Variants in ACTA2 observed in about 807,000 individuals in gnomAD.
ACTA2 encodes actin alpha 2, smooth muscle, also known as actin, aortic smooth muscle.
ACTA2 carries 12 observed loss-of-function variants against 39.5 expected under a neutral mutation model. That is an observed-to-expected ratio of 0.30 (90% CI 0.19 to 0.49). The LOEUF (loss-of-function observed/expected upper bound fraction) is 0.49, where lower values mean the gene tolerates loss of function less well. Among genes scored for constraint, ACTA2 ranks in the 20% least tolerant of loss-of-function variants. The pLI is 0.99. For synonymous variants in ACTA2, 158 were observed against 180.6 expected (o/e 0.88, Z 1.00); for missense variants, 236 against 498.8 (o/e 0.47, Z 5.02).
chr10:88,983,632 A>C (rs796251787), intron 1 of ACTA2, among the ~76,000 whole-genome samples: 48 of 142,808 alleles, frequency 3.4e-4, no homozygotes, highest in South Asian at 1.1e-3. Flanking sequence ...AAAAAAAAAA[A>C]AAAAAAACAC....
intron 1 of ACTA2, among the ~76,000 whole-genome samples, chr10:88,966,765 G>GACGT (rs1317206175): frequency 6.6e-6 from 1 of 152,044 alleles, no homozygotes; most frequent in Non-Finnish European, 1.5e-5. Context: ...GCAGGTCAAA[G>GACGT]ACGTAACCTG....
chr10:88,950,588 A>G (rs191915583), intron 1 of ACTA2, among the ~76,000 whole-genome samples: 2 of 152,368 alleles, frequency 1.3e-5, no homozygotes, highest in Admixed American at 1.3e-4. Flanking sequence ...TGACAAGGAA[A>G]CCAAGGCTTA....
upstream of ACTA2, among the ~76,000 whole-genome samples, chr10:88,957,106 C>T (rs1455990193): frequency 2.0e-5 from 3 of 152,160 alleles, no homozygotes; most frequent in East Asian, 3.9e-4. Flanking sequence ...ACACGGTACA[C>T]AAGTCTTATC....
chr10:88,941,689 T>C, intron 5 of ACTA2, 96 bp downstream of exon 5: 5 of 1,158,434 alleles, frequency 4.3e-6, no homozygotes, highest in South Asian at 3.9e-5. Context: ...CCATTCTAAC[T>C]CAACTCCAGT....
At position 88,990,457 on chromosome 10, in the gene ACTA2, G is replaced by A; in HGVS notation, c.-24+482C>T. The A allele has an allele frequency of 2.0e-6, 1 of 511,732 alleles. No homozygotes were observed. The highest frequency in any genetic ancestry group is 1.7e-5 in the South Asian group (1 of 57,748). 31.7% of individuals were successfully genotyped at this position (511,732 alleles called of 1,614,324 possible). ...TGAAGTGAGCATGCCAGCCACTGCA[G>A]GAACGCCCCGGGACAGGAATGCCCA... is the stretch of plus-strand genomic sequence containing the variant. On this transcript the variant is annotated intron_variant, in intron 1 of 4. Transcript: ENST00000415557. The surrounding 1 kb of genome is among the most constrained non-coding windows in gnomAD (Gnocchi z 4.9).
At chr10:88,940,287 GA>G (rs1188852688) in intron 6 of ACTA2, 2 of 162,756 alleles carry the variant, frequency 1.2e-5, no homozygotes, top group African/African-American at 4.8e-5. Flanking sequence ...AGATACGGAA[GA>G]AGTGGGCAGG....
intron 1 of ACTA2, among the ~76,000 whole-genome samples, chr10:88,970,378 G>A (rs750567324): frequency 2.0e-5 from 3 of 152,024 alleles, no homozygotes; most frequent in Non-Finnish European, 2.9e-5. Context: ...GCAGCAAATT[G>A]CTGTGCCCTT....
chr10:88,954,589 T>G (rs190939196), upstream of ACTA2, among the ~76,000 whole-genome samples: 3 of 152,274 alleles, frequency 2.0e-5, no homozygotes, highest in Non-Finnish European at 1.5e-5. Context: ...AAGTGACTGT[T>G]CATCTAAACA....
chr10:88,990,527 C>G lies in ACTA2; in HGVS notation c.-24+412G>C. The G allele has an allele frequency of 3.3e-6, 2 of 609,204 alleles. No homozygotes were observed. The highest frequency in any genetic ancestry group is 3.3e-5 in the East Asian group (1 of 30,030). The allele number at this position is 609,204 out of a possible 1,614,324, so 37.7% of individuals were successfully genotyped here. ...CTCCTTCCTCACCCTGACTTCTCCC[C>G]CTCCCTACCCGCGCGCAGGCCAAGT... is the stretch of plus-strand genomic sequence containing the variant. On this transcript the variant is annotated intron_variant, in intron 1 of 4. Coordinates refer to the ACTA2 transcript ENST00000415557. This position sits in a 1 kb window ranked among gnomAD's most constrained non-coding sequence, Gnocchi z 4.9.
At chr10:88,970,780 A>C (rs918618032) in intron 1 of ACTA2, among the ~76,000 whole-genome samples, 1 of 152,152 alleles carries the variant, frequency 6.6e-6, no homozygotes, top group Non-Finnish European at 1.5e-5. Flanking sequence ...ATGACAAGTT[A>C]ATGGGTACAG....
chr10:88,943,860 C>A lies in ACTA2; in HGVS notation c.306G>T (p.Glu102Asp). Residue 102 changes from glutamate (E) to aspartate (D), a missense_variant, in exon 4 of 9, where the codon GAG (glutamate) becomes GAT (aspartate). By Grantham distance (45) the Glu-to-Asp change is conservative (BLOSUM62 2). Coordinates refer to ENST00000224784, the MANE Select transcript of ACTA2 (RefSeq NM_001613.4). ...FYNELRVAPE[E>D]HPTLLTEAPL... is the part of the protein sequence containing the mutation. Reference sequence around the variant, plus strand: ...GTGCCTCCGTGAGCAGGGTGGGATGCTCTTCAGGGGCAACACGAAGCTCAT... The same window carrying A: ...GTGCCTCCGTGAGCAGGGTGGGATGATCTTCAGGGGCAACACGAAGCTCAT... 6.2e-7 allele frequency: 1 copy of A among 1,613,980 alleles called. No homozygotes were observed. Among genetic ancestry groups the A allele is most frequent in the Non-Finnish European group, 8.5e-7 (1 of 1,179,922 alleles).
At chr10:88,971,357 GTA>G (rs1846442537) in intron 1 of ACTA2, among the ~76,000 whole-genome samples, 1 of 152,218 alleles carries the variant, frequency 6.6e-6, no homozygotes, top group Non-Finnish European at 1.5e-5. Flanking sequence ...ACTTCATGCA[GTA>G]TGTTTTGTGT....
Position 88,939,485 on chromosome 10 carries a change from G to A in ACTA2, c.808+22C>T, listed in dbSNP as rs1363384443. 4.3e-6 allele frequency: 7 copies of A among 1,612,188 alleles called. No homozygotes were observed. In the Admixed American group the frequency reaches 8.3e-5, roughly 19 times the overall value. On this transcript the variant is annotated intron_variant, in intron 7 of 8. Coordinates refer to ENST00000224784, the MANE Select transcript of ACTA2 (RefSeq NM_001613.4). Reference sequence around the variant, plus strand: ...AGAAGACAATGACTCCCCTTCCCAGGAAAAGGGCGTTTGTTGCCTACCGAT... The same window carrying A: ...AGAAGACAATGACTCCCCTTCCCAGAAAAAGGGCGTTTGTTGCCTACCGAT...
chr10:88,959,045 G>A (rs1431386033), intron 1 of ACTA2, among the ~76,000 whole-genome samples: 1 of 152,116 alleles, frequency 6.6e-6, no homozygotes, highest in African/African-American at 2.4e-5. Context: ...ATTGACCAGC[G>A]TTGTCCAACA....
chr10:88,990,683 G>T lies in ACTA2; in HGVS notation c.-24+256C>A. 1.4e-6 allele frequency: 1 copy of T among 712,688 alleles called. No homozygotes were observed. Among genetic ancestry groups the T allele is most frequent in the Non-Finnish European group, 2.5e-6 (1 of 394,856 alleles). The allele number at this position is 712,688 out of a possible 1,614,324, so 44.1% of individuals were successfully genotyped here. On this transcript the variant is annotated intron_variant, in intron 1 of 4. Transcript: ENST00000415557. The surrounding 1 kb of genome is among the most constrained non-coding windows in gnomAD (Gnocchi z 4.9). ...CAAGAGTGACACACAGGTGTTCAAA[G>T]ACGCTTCTGGGGAGTGAGGGAAGCG...
At chr10:88,947,464 AGTCATT>A in intron 2 of ACTA2, 78 bp from the exon 3 acceptor site, 1 of 1,592,570 alleles carries the variant, frequency 6.3e-7, no homozygotes, top group Non-Finnish European at 8.6e-7. Context: ...CAAAAGGTTA[AGTCATT>A]GAGATGGGAA....
chr10:88,935,914 A>G (rs1845729374), intron 8 of ACTA2, among the ~76,000 whole-genome samples: 1 of 152,176 alleles, frequency 6.6e-6, no homozygotes, highest in Non-Finnish European at 1.5e-5. Context: ...CTTAAGCTGC[A>G]CTGGTTGGCC....
intron 1 of ACTA2, among the ~76,000 whole-genome samples, chr10:88,978,889 C>CTAT (rs968103940): frequency 2.2e-4 from 33 of 151,468 alleles, no homozygotes; most frequent in African/African-American, 7.7e-4. Flanking sequence ...GATCTCTTCT[C>CTAT]TATTATTATT....
At chr10:88,978,398 A>G (rs181247776) in intron 1 of ACTA2, among the ~76,000 whole-genome samples, 4 of 151,948 alleles carry the variant, frequency 2.6e-5, no homozygotes, top group African/African-American at 9.7e-5. Context: ...TTAAAGTATA[A>G]TAAAAAATAA....
Sources: allele counts gnomAD v4.1 joint callset (sites outside exome capture counted in the v4.1 genomes callset), GRCh38; gene constraint gnomAD v4.1.1; non-coding constraint Gnocchi (gnomAD v3.1); transcripts MANE v1.5; gene names NCBI Gene and HGNC (gene_info 2026-07-23, HGNC 2026-07-21).